NCALD: variants seen among roughly 807,000 people sequenced by gnomAD.
The protein encoded by NCALD is neurocalcin-delta.
In NCALD, 10 loss-of-function variants were observed where a neutral mutation model predicts 18.6. That is an observed-to-expected ratio of 0.54 (90% CI 0.33 to 0.91). The LOEUF (loss-of-function observed/expected upper bound fraction) is 0.91, where lower values mean the gene tolerates loss of function less well. NCALD is among the 40% of genes least tolerant of loss of function. The pLI is 0.03. For missense variants in NCALD, 184 were observed against 247.6 expected (o/e 0.74, Z 1.72); for synonymous variants, 88 against 87.4 (o/e 1.01, Z -0.04).
intron 3 of NCALD, among the ~76,000 whole-genome samples, chr8:101,894,219 C>T (rs1346059190): frequency 5.0e-4 from 64 of 127,338 alleles, no homozygotes; most frequent in East Asian, 1.9e-3. Flanking sequence ...CACTCAAAGC[C>T]GCTCAACTAC....
chr8:101,858,089 C>A (rs1313096757), intron 4 of NCALD, among the ~76,000 whole-genome samples: 5 of 151,980 alleles, frequency 3.3e-5, no homozygotes, highest in Admixed American at 6.6e-5. Context: ...TTAAAAATGG[C>A]AAATTAAATA....
At chr8:102,031,522 T>C (rs1173450383) in intron 1 of NCALD, among the ~76,000 whole-genome samples, 1 of 152,200 alleles carries the variant, frequency 6.6e-6, no homozygotes, top group African/African-American at 2.4e-5. Context: ...GAGTTTGCCT[T>C]ATGCTAATTC....
chr8:102,035,781 G>T (rs775038387), intron 1 of NCALD, among the ~76,000 whole-genome samples: 26 of 152,040 alleles, frequency 1.7e-4, no homozygotes, highest in African/African-American at 5.6e-4. Context: ...ATTCGCAAAA[G>T]CCTCCTCATT....
intron 1 of NCALD, chr8:101,750,782 C>T (rs1563730102): frequency 6.6e-6 from 1 of 152,154 alleles, no homozygotes; most frequent in Non-Finnish European, 1.5e-5. Context: ...GTGAGAAGCC[C>T]CTACCCTCAT....
chr8:102,110,213 T>C (rs991622616), intron 1 of NCALD, among the ~76,000 whole-genome samples: 1 of 152,164 alleles, frequency 6.6e-6, no homozygotes, highest in African/African-American at 2.4e-5. Context: ...TATATTACTT[T>C]TAAAATTTGA....
At chr8:101,920,588 A>G (rs1408673744) in intron 2 of NCALD, among the ~76,000 whole-genome samples, 1 of 152,228 alleles carries the variant, frequency 6.6e-6, no homozygotes, top group East Asian at 1.9e-4. Context: ...CAACATGGAT[A>G]CAGCTGGAGT....
chr8:101,800,785 T>G (rs1417799259), intron 4 of NCALD, among the ~76,000 whole-genome samples: 2 of 147,864 alleles, frequency 1.4e-5, no homozygotes, highest in East Asian at 4.0e-4. Flanking sequence ...AGAGGATCAC[T>G]TGAACCCAGG....
intron 4 of NCALD, among the ~76,000 whole-genome samples, chr8:101,861,720 G>A (rs1397990376): frequency 6.6e-6 from 1 of 152,112 alleles, no homozygotes; most frequent in African/African-American, 2.4e-5. Flanking sequence ...TTTCTATTGT[G>A]TTCTCTCACA....
chr8:101,696,493 G>A (rs1360141383), intron 2 of NCALD, among the ~76,000 whole-genome samples: 1 of 152,102 alleles, frequency 6.6e-6, no homozygotes, highest in Non-Finnish European at 1.5e-5. Flanking sequence ...TCAGGGGTGA[G>A]CAAAACACCA....
At chr8:102,114,761 G>A (rs1489225437) in intron 1 of NCALD, among the ~76,000 whole-genome samples, 3 of 152,164 alleles carry the variant, frequency 2.0e-5, no homozygotes, top group Admixed American at 6.5e-5. Context: ...GGCCATTGAC[G>A]CCAGTGGTAA....
rs1822845918 is a variant in NCALD, at chr8:102,035,899, A to G, written c.-209-15610T>C. On this transcript the variant is annotated intron_variant, in intron 1 of 6. Transcript: ENST00000311028. Reference sequence around the variant, plus strand: ...CCAACTAACTGCATATGTTACTTATATCACAAAATTATATTGTCGCTATAG... The same window carrying G: ...CCAACTAACTGCATATGTTACTTATGTCACAAAATTATATTGTCGCTATAG... Among the ~76,000 whole-genome samples, 3 of 152,276 alleles carry G rather than the reference A, an allele frequency of 2.0e-5. No individual in the cohort carries two copies. The South Asian group carries it at 6.2e-4, about 32-fold the overall frequency.
intron 1 of NCALD, among the ~76,000 whole-genome samples, chr8:102,111,263 G>A (rs1825630218): frequency 6.6e-6 from 1 of 152,184 alleles, no homozygotes; most frequent in Non-Finnish European, 1.5e-5. Context: ...TGGACTTCTG[G>A]TTCTCACTGC....
chr8:101,939,372 G>A (rs538035809), intron 2 of NCALD, among the ~76,000 whole-genome samples: 2 of 152,284 alleles, frequency 1.3e-5, no homozygotes, highest in Non-Finnish European at 2.9e-5. Flanking sequence ...TAGTTTTAAT[G>A]AGGCACACCT....
chr8:102,013,219 G>T (rs1312648303), intron 2 of NCALD, among the ~76,000 whole-genome samples: 1 of 152,118 alleles, frequency 6.6e-6, no homozygotes, highest in Non-Finnish European at 1.5e-5. Context: ...TGGTGGTCTA[G>T]GTACCTCCCC....
At chr8:101,803,970 T>C (rs1812963576) in intron 4 of NCALD, among the ~76,000 whole-genome samples, 1 of 152,138 alleles carries the variant, frequency 6.6e-6, no homozygotes, top group African/African-American at 2.4e-5. Flanking sequence ...AGCCAACCGA[T>C]GTGGTAAACT....
At chr8:101,747,001 A>G (rs1309071834) in intron 1 of NCALD, among the ~76,000 whole-genome samples, 1 of 151,998 alleles carries the variant, frequency 6.6e-6, no homozygotes, top group African/African-American at 2.4e-5. Context: ...GCCCAATCTC[A>G]ATTATGCCAT....
chr8:101,915,532 C>G (rs1817943835), intron 3 of NCALD: 1 of 152,224 alleles, frequency 6.6e-6, no homozygotes, highest in South Asian at 2.1e-4. Context: ...CATATAAAAA[C>G]TACTCCACTG....
At chr8:101,698,195 A>C (rs1815092651) in intron 2 of NCALD, among the ~76,000 whole-genome samples, 2 of 152,246 alleles carry the variant, frequency 1.3e-5, no homozygotes, top group Admixed American at 1.3e-4. Flanking sequence ...TGCTACAAAG[A>C]GAATAAAATA....
chr8:101,696,091 C>T (rs1219223476), intron 2 of NCALD, among the ~76,000 whole-genome samples: 1 of 152,114 alleles, frequency 6.6e-6, no homozygotes, highest in Non-Finnish European at 1.5e-5. Flanking sequence ...CATGCAAACC[C>T]ACCCACCATT....
Sources: gnomAD v4.1 joint callset for allele counts (sites outside exome capture counted in the v4.1 genomes callset) on GRCh38, gnomAD v4.1.1 for gene constraint, MANE v1.5 for transcripts, NCBI Gene and HGNC (gene_info 2026-07-23, HGNC 2026-07-21) for gene names.